IL18BP: variants seen among roughly 807,000 people sequenced by gnomAD.
IL18BP encodes interleukin 18 binding protein, also known as interleukin-18-binding protein.
Under a neutral mutation model 19.9 loss-of-function variants are expected in IL18BP, and 23 were observed. The observed-to-expected ratio is 1.15, with a 90% CI of 0.83 to 1.64. The LOEUF (loss-of-function observed/expected upper bound fraction) is 1.64. IL18BP is among the 40% of genes most tolerant of loss of function. The probability of loss-of-function intolerance (pLI) is 0.00; values close to 1 mark genes in which losing one functional copy is unlikely to be tolerated. For synonymous variants in IL18BP, 107 were observed against 101.0 expected (o/e 1.06, Z -0.35); for missense variants, 239 against 240.7 (o/e 0.99, Z 0.05).
downstream of IL18BP, chr11:72,008,195 TCTTAA>T (rs747073029): frequency 1.2e-4 from 58 of 469,300 alleles, no homozygotes; most frequent in African/African-American, 3.8e-4. Context: ...ATTTTTCCAG[TCTTAA>T]CTTCTATACT....
At chr11:72,006,472 G>C (rs77660970), downstream of IL18BP, among the ~76,000 whole-genome samples, 1 of 152,162 alleles carries the variant, frequency 6.6e-6, no homozygotes, top group Non-Finnish European at 1.5e-5. Flanking sequence ...ACTCTTCTAC[G>C]CATTTTTTTC....
downstream of IL18BP, chr11:72,003,032 T>C (rs1541304): frequency 0.94 from 222,812 of 236,480 alleles, 105,265 homozygotes; most frequent in Non-Finnish European, 0.98. Flanking sequence ...TCCTGAGACA[T>C]AGGGCCCATC....
At chr11:72,003,919 C>T (rs376020708), downstream of IL18BP, 84 of 1,613,114 alleles carry the variant, frequency 5.2e-5, 1 homozygote, top group Middle Eastern at 3.3e-4. Flanking sequence ...GCACCAATGG[C>T]GGCAGCAGTG....
downstream of IL18BP, chr11:72,005,989 T>G (rs1327407541): frequency 3.4e-6 from 5 of 1,450,386 alleles, no homozygotes; most frequent in Non-Finnish European, 4.7e-6. Context: ...ACGATCCACC[T>G]TCCAGTCTAA....
At position 72,001,783 on chromosome 11, in the gene IL18BP, G is replaced by A. The variant is rs778813643; in HGVS notation, c.508-1G>A. 8 of 1,614,104 alleles carry A rather than the reference G, an allele frequency of 5.0e-6. No individual in the cohort carries two copies. The South Asian group carries it at 8.8e-5, about 18-fold the overall frequency. On this transcript the variant is annotated splice_acceptor_variant, in intron 5 of 5. Transcript: ENST00000393703. LOFTEE classifies it high-confidence loss of function. The stretch of plus-strand genomic sequence containing the variant: ...ATCCTTGTCTGCCTTCACTTCCCTA[G>A]GCTGGGCTGAGGGCAACCTTGCCCC...
downstream of IL18BP, chr11:72,004,306 C>T: frequency 1.2e-6 from 2 of 1,613,208 alleles, no homozygotes; most frequent in African/African-American, 1.3e-5. Context: ...CTCGGGGAGT[C>T]ATGGGGCGTG....
At chr11:72,006,257 C>T (rs1215001673), downstream of IL18BP, 1 of 1,613,800 alleles carries the variant, frequency 6.2e-7, no homozygotes, top group Non-Finnish European at 8.5e-7. Flanking sequence ...TCTTCCACAT[C>T]TAGCTTCTGG....
At chr11:72,004,891 C>A, downstream of IL18BP, 1 of 1,392,140 alleles carries the variant, frequency 7.2e-7, no homozygotes, top group Non-Finnish European at 9.6e-7. Flanking sequence ...TGTCCCAGAA[C>A]TCTACACTCG....
At chr11:72,004,215 C>T (rs770854945), downstream of IL18BP, 3 of 1,608,582 alleles carry the variant, frequency 1.9e-6, no homozygotes, top group Non-Finnish European at 8.5e-7. Flanking sequence ...CCCTTCAGCC[C>T]CAGCCTCACC....
Position 72,001,804 on chromosome 11 carries a change from GC to G in IL18BP, c.534del (p.Thr179ProfsTer40), listed in dbSNP as rs551921888. 1 of 1,613,990 alleles carries G rather than the reference GC, an allele frequency of 6.2e-7. No homozygotes were observed. ...QLWAGLRATLPPTQEALPSSH... is the reference protein window; with the variant it reads ...QLWAGLRATLXPTQEALPSSH... ...CCTAGGCTGGGCTGAGGGCAACCTT[GC>G]CCCCCACCCAAGAAGCCCTGCCCTC... is the stretch of plus-strand genomic sequence containing the variant. On this transcript the variant is annotated frameshift_variant, in exon 6 of 6. Coordinates refer to ENST00000393703, the MANE Select transcript of IL18BP (RefSeq NM_001039660.2). LOFTEE classifies it high-confidence loss of function.
At chr11:72,005,818 G>C (rs370341988), downstream of IL18BP, 13 of 569,394 alleles carry the variant, frequency 2.3e-5, no homozygotes, top group Admixed American at 3.2e-5. Context: ...TGGGAATCCC[G>C]GGCCCTTAAC....
Position 72,002,095 on chromosome 11 carries a change from C to G in IL18BP, c.*234C>G. Reference sequence around the variant, plus strand: ...TCCTGCCATTCTCTCTCCACCTATCCATTAGCCTTCCTAACGTCCTACTCC... The same window carrying G: ...TCCTGCCATTCTCTCTCCACCTATCGATTAGCCTTCCTAACGTCCTACTCC... On this transcript the variant is annotated 3_prime_UTR_variant, in exon 6 of 6. Transcript: ENST00000393703. 1.6e-6 allele frequency: 1 copy of G among 622,100 alleles called. No individual in the cohort carries two copies. The highest frequency in any genetic ancestry group is 1.8e-5 in the African/African-American group (1 of 54,132). The allele number at this position is 622,100 out of a possible 1,614,324, so 38.5% of individuals were successfully genotyped here.
downstream of IL18BP, chr11:72,003,434 G>T: frequency 8.0e-7 from 1 of 1,257,068 alleles, no homozygotes; most frequent in Non-Finnish European, 1.2e-6. Context: ...TGGCCTGGGA[G>T]CTGAGAGAAG....
At chr11:72,004,089 C>T (rs746494469), downstream of IL18BP, 10 of 1,612,862 alleles carry the variant, frequency 6.2e-6, no homozygotes, top group African/African-American at 5.3e-5. Flanking sequence ...CATCGACTGG[C>T]GCCGGTCAGC....
downstream of IL18BP, chr11:72,005,140 G>T: frequency 7.3e-7 from 1 of 1,369,754 alleles, no homozygotes; most frequent in South Asian, 1.5e-5. Context: ...GCCAGTCAGT[G>T]ATCCAGGGCC....
At chr11:72,005,530 C>CT, downstream of IL18BP, 3 of 632,226 alleles carry the variant, frequency 4.7e-6, no homozygotes, top group South Asian at 6.2e-5. Context: ...GGCACACAGA[C>CT]TATTTCTATC....
downstream of IL18BP, chr11:72,005,290 C>A: frequency 6.2e-7 from 1 of 1,610,224 alleles, no homozygotes; most frequent in Non-Finnish European, 8.5e-7. Flanking sequence ...GATTGCGCTG[C>A]TGCAGCTCTG....
chr11:72,000,135 C>T, intron 2 of IL18BP, 123 bp downstream of exon 2: 1 of 1,056,338 alleles, frequency 9.5e-7, no homozygotes, highest in East Asian at 2.5e-5. Context: ...GGTGCTGTTG[C>T]TTTAAGAACC....
downstream of IL18BP, chr11:72,004,464 A>G (rs1590850408): frequency 1.7e-6 from 2 of 1,210,084 alleles, no homozygotes; most frequent in East Asian, 4.7e-5. Context: ...CCCCTTCCCA[A>G]CTCTGGGCCA....
Sources: allele counts gnomAD v4.1 joint callset (sites outside exome capture counted in the v4.1 genomes callset), GRCh38; gene constraint gnomAD v4.1.1; transcripts MANE v1.5; gene names NCBI Gene and HGNC (gene_info 2026-07-23, HGNC 2026-07-21).